KCNH8: variants seen among roughly 807,000 people sequenced by gnomAD.
KCNH8 encodes potassium voltage-gated channel subfamily H member 8, also known as voltage-gated delayed rectifier potassium channel KCNH8.
A neutral mutation model predicts 103.6 loss-of-function variants in KCNH8; 70 were observed. The observed-to-expected ratio is 0.68, with a 90% CI of 0.56 to 0.82. The LOEUF (loss-of-function observed/expected upper bound fraction) is 0.82, where lower values mean the gene tolerates loss of function less well. Ranked by LOEUF, KCNH8 falls within the 40% of genes least tolerant of loss-of-function variation. The pLI, the probability that KCNH8 is intolerant of heterozygous loss-of-function variation, is 0.00. For synonymous variants in KCNH8, 498 were observed against 489.4 expected (o/e 1.02, Z -0.23); for missense variants, 1,217 against 1,329.9 (o/e 0.92, Z 1.32).
chr3:19,388,557 T>G (rs1192983018), intron 5 of KCNH8, among the ~76,000 whole-genome samples: 1 of 152,116 alleles, frequency 6.6e-6, no homozygotes. Flanking sequence ...TGTGAGTGCT[T>G]TATTAATTAG....
chr3:19,492,770 G>A (rs1194073992), intron 11 of KCNH8, among the ~76,000 whole-genome samples: 1 of 151,060 alleles, frequency 6.6e-6, no homozygotes, highest in Non-Finnish European at 1.5e-5. Flanking sequence ...AGTTGCTTTG[G>A]CCAGCATGGT....
intron 1 of KCNH8, among the ~76,000 whole-genome samples, chr3:19,185,797 C>A (rs2063496429): frequency 6.6e-6 from 1 of 151,858 alleles, no homozygotes; most frequent in African/African-American, 2.4e-5. Context: ...ACTGGTAATT[C>A]TGTCAAAGCA....
chr3:19,533,659 G>C lies in KCNH8; in HGVS notation c.2884G>C (p.Asp962His). 1.2e-6 allele frequency: 2 copies of C among 1,614,154 alleles called. No individual in the cohort carries two copies. Among genetic ancestry groups the C allele is most frequent in the Admixed American group, 3.3e-5 (2 of 60,026 alleles). ...TATCACCTCAGACATTTGGAGTGTG[G>C]ATCCCTCCTCTGTGGGGAGCAGCCC... ...SNITSDIWSV[D>H]PSSVGSSPQR... The change falls in exon 16 of 16, where the codon GAT becomes CAT. Residue 962 changes from aspartate (D) to histidine (H), a missense_variant. Physicochemically the swap from Asp to His is moderately conservative, Grantham distance 81. This residue lies in a region of KCNH8 where 558 missense variants were observed against 495.8 expected (regional missense o/e 1.13). Coordinates refer to ENST00000328405, the MANE Select transcript of KCNH8 (RefSeq NM_144633.3).
chr3:19,485,756 G>A (rs990920189), intron 11 of KCNH8, among the ~76,000 whole-genome samples: 3 of 152,184 alleles, frequency 2.0e-5, no homozygotes, highest in South Asian at 4.1e-4. Context: ...GAATTAGCTC[G>A]AGAGTTTCCT....
At chr3:19,293,864 G>T (rs1559463415) in intron 3 of KCNH8, among the ~76,000 whole-genome samples, 2 of 152,202 alleles carry the variant, frequency 1.3e-5, no homozygotes, top group East Asian at 3.9e-4. Flanking sequence ...GATGGATGAT[G>T]AGTATATGAA....
chr3:19,507,358 T>C (rs373923541), intron 11 of KCNH8, among the ~76,000 whole-genome samples: 150 of 152,290 alleles, frequency 9.8e-4, no homozygotes, highest in African/African-American at 3.4e-3. Flanking sequence ...TGCTCAGCTA[T>C]GATGAGGAGG....
At chr3:19,171,585 T>C (rs1342206837) in intron 1 of KCNH8, among the ~76,000 whole-genome samples, 1 of 152,210 alleles carries the variant, frequency 6.6e-6, no homozygotes, top group Non-Finnish European at 1.5e-5. Flanking sequence ...TAAGTTAGCC[T>C]ATCAAGACCA....
chr3:19,221,358 G>A (rs2063872136), intron 1 of KCNH8, among the ~76,000 whole-genome samples: 1 of 152,180 alleles, frequency 6.6e-6, no homozygotes, highest in African/African-American at 2.4e-5. Context: ...TGTGTGAATG[G>A]GGAAGGTGAA....
At chr3:19,288,162 G>C (rs2064860285) in intron 3 of KCNH8, among the ~76,000 whole-genome samples, 2 of 110,906 alleles carry the variant, frequency 1.8e-5, no homozygotes, top group Admixed American at 2.0e-4. Flanking sequence ...AAACCTTCTT[G>C]CACCGGTGTA....
chr3:19,276,577 A>G (rs1488062482), intron 2 of KCNH8, among the ~76,000 whole-genome samples: 1 of 152,100 alleles, frequency 6.6e-6, no homozygotes, highest in Non-Finnish European at 1.5e-5. Context: ...GTCATTAAAG[A>G]GAGTGGGACC....
chr3:19,199,875 C>T (rs2063639517), intron 1 of KCNH8, among the ~76,000 whole-genome samples: 1 of 151,856 alleles, frequency 6.6e-6, no homozygotes, highest in African/African-American at 2.4e-5. Context: ...TCCGTATGAA[C>T]TGGGTTTTAT....
chr3:19,236,121 C>T (rs1248825053), intron 1 of KCNH8, among the ~76,000 whole-genome samples: 1 of 152,122 alleles, frequency 6.6e-6, no homozygotes, highest in Non-Finnish European at 1.5e-5. Context: ...TCTGCAGATT[C>T]CCTAGAGGGA....
At chr3:19,217,662 C>T (rs531464010) in intron 1 of KCNH8, among the ~76,000 whole-genome samples, 6 of 152,216 alleles carry the variant, frequency 3.9e-5, no homozygotes, top group African/African-American at 1.4e-4. Flanking sequence ...TGCTCAAAAT[C>T]TCGTAGGTAT....
At chr3:19,272,432 G>A (rs1224633876) in intron 2 of KCNH8, among the ~76,000 whole-genome samples, 1 of 152,088 alleles carries the variant, frequency 6.6e-6, no homozygotes, top group East Asian at 1.9e-4. Context: ...GCTCTGAAAC[G>A]CATCACCGGA....
chr3:19,449,100 C>T (rs2067404784), intron 8 of KCNH8: 2 of 440,050 alleles, frequency 4.5e-6, no homozygotes, highest in Admixed American at 2.5e-5. Flanking sequence ...TGAGGTCCAT[C>T]CTTTCACTCT....
chr3:19,252,726 T>C (rs1382713497), intron 1 of KCNH8, among the ~76,000 whole-genome samples: 1 of 152,168 alleles, frequency 6.6e-6, no homozygotes, highest in Non-Finnish European at 1.5e-5. Context: ...ATTGAGTAGT[T>C]GTTTGTGCCA....
intron 5 of KCNH8, 126 bp downstream of exon 5, chr3:19,348,091 T>C: frequency 8.7e-7 from 1 of 1,149,162 alleles, no homozygotes; most frequent in African/African-American, 1.6e-5. Flanking sequence ...CTGTTGCAAA[T>C]TTTGGAGAAG....
intron 11 of KCNH8, among the ~76,000 whole-genome samples, chr3:19,472,938 GTTA>G (rs1216998057): frequency 6.6e-6 from 1 of 152,134 alleles, no homozygotes; most frequent in Non-Finnish European, 1.5e-5. Context: ...GAATGTCAAT[GTTA>G]TTAAGTATTA....
intron 6 of KCNH8, among the ~76,000 whole-genome samples, chr3:19,392,279 G>A (rs1330951907): frequency 6.4e-5 from 9 of 140,572 alleles, no homozygotes; most frequent in Non-Finnish European, 7.6e-5. Flanking sequence ...TAACACAAAT[G>A]CTTCATAAAT....
Sources: gnomAD v4.1 joint callset for allele counts (sites outside exome capture counted in the v4.1 genomes callset) on GRCh38, gnomAD v4.1.1 for gene constraint, gnomAD v4.1.1 regional missense constraint, MANE v1.5 for transcripts, NCBI Gene and HGNC (gene_info 2026-07-23, HGNC 2026-07-21) for gene names.